CCSER1: variants seen among roughly 807,000 people sequenced by gnomAD.
The protein encoded by CCSER1 is serine-rich coiled-coil domain-containing protein 1.
In CCSER1, 41 loss-of-function variants were observed where a neutral mutation model predicts 82.0. The ratio of observed to expected loss-of-function variants is 0.50; its 90% CI spans 0.39 to 0.65. The LOEUF is 0.65. Among genes scored for constraint, CCSER1 ranks in the 30% least tolerant of loss-of-function variants. CCSER1 has a pLI of 0.00. For missense variants in CCSER1, 1,119 were observed against 1,064.2 expected (o/e 1.05, Z -0.72); for synonymous variants, 414 against 383.9 (o/e 1.08, Z -0.92).
At chr4:90,726,874 C>G (rs904616266) in intron 7 of CCSER1, among the ~76,000 whole-genome samples, 4 of 152,092 alleles carry the variant, frequency 2.6e-5, no homozygotes, top group African/African-American at 9.7e-5. Flanking sequence ...GATGAGAAGG[C>G]TTTCTCCATC....
At chr4:91,336,409 T>A (rs1031662416) in intron 10 of CCSER1, among the ~76,000 whole-genome samples, 1 of 152,126 alleles carries the variant, frequency 6.6e-6, no homozygotes, top group African/African-American at 2.4e-5. Flanking sequence ...AAGACTTAAT[T>A]ATTAATTCAC....
intron 5 of CCSER1, among the ~76,000 whole-genome samples, chr4:90,566,703 C>T (rs766976431): frequency 2.0e-4 from 31 of 151,336 alleles, no homozygotes; most frequent in Non-Finnish European, 3.8e-4. Flanking sequence ...CCAGGGTTCA[C>T]GCCATTCTCC....
chr4:91,077,638 G>T (rs1351564753), intron 9 of CCSER1, among the ~76,000 whole-genome samples: 1 of 152,204 alleles, frequency 6.6e-6, no homozygotes, highest in African/African-American at 2.4e-5. Flanking sequence ...CCACAGAGCA[G>T]GGTGGGGCAT....
intron 5 of CCSER1, among the ~76,000 whole-genome samples, chr4:90,608,868 T>G (rs1347571540): frequency 1.3e-5 from 2 of 152,168 alleles, no homozygotes; most frequent in Admixed American, 1.3e-4. Context: ...TTTAGAATTT[T>G]TAATCTGTTT....
At chr4:91,068,606 TAATATG>T (rs1449330769) in intron 9 of CCSER1, among the ~76,000 whole-genome samples, 4 of 152,182 alleles carry the variant, frequency 2.6e-5, no homozygotes, top group Non-Finnish European at 4.4e-5. Context: ...AGTGGGAACT[TAATATG>T]GATATACTGA....
chr4:91,510,643 T>C (rs538163279), intron 10 of CCSER1, among the ~76,000 whole-genome samples: 131 of 152,318 alleles, frequency 8.6e-4, no homozygotes, highest in African/African-American at 3.0e-3. Context: ...GAAGTGTCTG[T>C]CCATGTCATT....
chr4:90,800,435 TTG>T (rs1756651954), intron 7 of CCSER1, among the ~76,000 whole-genome samples: 1 of 152,056 alleles, frequency 6.6e-6, no homozygotes, highest in South Asian at 2.1e-4. Flanking sequence ...GTAGTTTACA[TTG>T]TGGGAGGAGA....
intron 5 of CCSER1, among the ~76,000 whole-genome samples, chr4:90,475,441 T>A (rs1288571107): frequency 6.6e-6 from 1 of 152,180 alleles, no homozygotes; most frequent in African/African-American, 2.4e-5. Flanking sequence ...TAAATATAGG[T>A]CTCTTCCACA....
chr4:90,667,574 C>T (rs539297344), intron 6 of CCSER1, among the ~76,000 whole-genome samples: 4 of 152,156 alleles, frequency 2.6e-5, no homozygotes, highest in East Asian at 3.9e-4. Context: ...CTCCCACTTA[C>T]GAGTGAGAGC....
chr4:91,331,716 A>G (rs1239997519), intron 10 of CCSER1, among the ~76,000 whole-genome samples: 1 of 152,152 alleles, frequency 6.6e-6, no homozygotes, highest in Non-Finnish European at 1.5e-5. Context: ...AAAGATGTCA[A>G]TTGATAAATA....
chr4:90,629,806 A>T (rs764316950), intron 6 of CCSER1, among the ~76,000 whole-genome samples: 24 of 152,246 alleles, frequency 1.6e-4, no homozygotes, highest in Admixed American at 2.6e-4. Flanking sequence ...GCAGTTCAGC[A>T]AAGGCATCAA....
chr4:91,083,267 T>C (rs904015668), intron 9 of CCSER1, among the ~76,000 whole-genome samples: 9 of 152,274 alleles, frequency 5.9e-5, no homozygotes, highest in Non-Finnish European at 1.2e-4. Flanking sequence ...TATAGGGACA[T>C]GGATGAAGCT....
At chr4:90,783,691 A>G (rs1230556492) in intron 7 of CCSER1, among the ~76,000 whole-genome samples, 1 of 152,224 alleles carries the variant, frequency 6.6e-6, no homozygotes, top group African/African-American at 2.4e-5. Flanking sequence ...TATTTATCTC[A>G]CCAAGGAGAA....
chr4:90,943,115 A>G (rs143371970), intron 9 of CCSER1, among the ~76,000 whole-genome samples: 1 of 152,074 alleles, frequency 6.6e-6, no homozygotes, highest in East Asian at 1.9e-4. Context: ...CAGGCTCTTC[A>G]GAAAACTTTC....
At chr4:90,937,965 T>G (rs997984262) in intron 9 of CCSER1, among the ~76,000 whole-genome samples, 1 of 152,160 alleles carries the variant, frequency 6.6e-6, no homozygotes, top group Non-Finnish European at 1.5e-5. Flanking sequence ...GTATGGCTCA[T>G]CCTTTCATAT....
At chr4:91,464,616 A>G (rs1026256134) in intron 10 of CCSER1, among the ~76,000 whole-genome samples, 1 of 152,182 alleles carries the variant, frequency 6.6e-6, no homozygotes, top group African/African-American at 2.4e-5. Flanking sequence ...TCCATCTCAC[A>G]TGCAGAGACA....
chr4:91,376,213 AG>A (rs1180626152), intron 10 of CCSER1, among the ~76,000 whole-genome samples: 1 of 152,222 alleles, frequency 6.6e-6, no homozygotes, highest in Admixed American at 6.5e-5. Flanking sequence ...TTAATGACAG[AG>A]ATACGTTCTA....
At chr4:90,857,894 A>G (rs1398155272) in intron 8 of CCSER1, among the ~76,000 whole-genome samples, 1 of 152,116 alleles carries the variant, frequency 6.6e-6, no homozygotes, top group Non-Finnish European at 1.5e-5. Context: ...TGCTCTTGCC[A>G]TAGGGAGAAA....
At chr4:90,482,849 T>C (rs1229914710) in intron 5 of CCSER1, among the ~76,000 whole-genome samples, 3 of 152,200 alleles carry the variant, frequency 2.0e-5, no homozygotes, top group African/African-American at 7.2e-5. Flanking sequence ...GTATATTCTG[T>C]TGATTTGGGG....
Sources: allele counts gnomAD v4.1 joint callset (sites outside exome capture counted in the v4.1 genomes callset), GRCh38; gene constraint gnomAD v4.1.1; transcripts MANE v1.5; gene names NCBI Gene and HGNC (gene_info 2026-07-23, HGNC 2026-07-21).